Variants in PSD3 observed in about 807,000 individuals in gnomAD.
PSD3 encodes PH and SEC7 domain-containing protein 3.
Under a neutral mutation model 105.5 loss-of-function variants are expected in PSD3, and 49 were observed. The ratio of observed to expected loss-of-function variants is 0.46; its 90% CI spans 0.37 to 0.59. PSD3 has a LOEUF of 0.59. PSD3 is among the 20% of genes least tolerant of loss of function. The pLI, the probability that PSD3 is intolerant of heterozygous loss-of-function variation, is 0.00. For synonymous variants in PSD3, 557 were observed against 457.8 expected, an observed-to-expected ratio of 1.22 and a Z score of -2.77; for missense variants, 1,561 against 1,263.8, an observed-to-expected ratio of 1.24 and a Z score of -3.57.
chr8:18,724,556 G>A (rs1413553052), intron 9 of PSD3, among the ~76,000 whole-genome samples: 1 of 151,996 alleles, frequency 6.6e-6, no homozygotes, highest in African/African-American at 2.4e-5. Flanking sequence ...AGGCTGCAGT[G>A]AGCTATGATC....
intron 2 of PSD3, among the ~76,000 whole-genome samples, chr8:18,889,158 A>G (rs1465508531): frequency 6.6e-6 from 1 of 152,262 alleles, no homozygotes; most frequent in East Asian, 1.9e-4. Context: ...GAAATAAATT[A>G]CTTACATGTT....
At chr8:18,563,307 T>TA (rs2130229147) in intron 14 of PSD3, among the ~76,000 whole-genome samples, 1 of 152,280 alleles carries the variant, frequency 6.6e-6, no homozygotes. Flanking sequence ...GTACCTGCTA[T>TA]ACAGGATCTT....
At chr8:18,945,325 G>T (rs190189266) in intron 1 of PSD3, among the ~76,000 whole-genome samples, 4 of 152,274 alleles carry the variant, frequency 2.6e-5, no homozygotes, top group African/African-American at 9.6e-5. Context: ...TGAGGCAGAA[G>T]AGAAGAAAGT....
At chr8:18,752,038 AT>A (rs1415588450) in intron 9 of PSD3, among the ~76,000 whole-genome samples, 4 of 149,206 alleles carry the variant, frequency 2.7e-5, no homozygotes, top group South Asian at 2.1e-4. Context: ...AAAAAAAAAA[AT>A]TAGCTGGGCG....
intron 8 of PSD3, chr8:18,774,920 GC>G: frequency 2.2e-6 from 1 of 456,116 alleles, no homozygotes; most frequent in Non-Finnish European, 4.4e-6. Context: ...CTTGGCTACG[GC>G]TGCAAAAGCC....
rs551117821 is a variant in PSD3 at position 19,060,824 on chromosome 8, A to G, written c.324+23382T>C. On this transcript the variant is annotated intron_variant, in intron 1 of 1. Coordinates refer to the PSD3 transcript ENST00000521475. ...GAAAGAAGGAACTGAAAGATGAGAC[A>G]TGGAAGCAACCAGTCATGCAAGGGC... Among the ~76,000 whole-genome samples the G allele has an allele frequency of 8.5e-5, 13 of 152,372 alleles. 1 individual carries two copies. The South Asian group carries it at 2.7e-3, about 32-fold the overall frequency.
At chr8:18,558,368 T>A (rs1461822614) in intron 14 of PSD3, among the ~76,000 whole-genome samples, 1 of 152,102 alleles carries the variant, frequency 6.6e-6, no homozygotes, top group Non-Finnish European at 1.5e-5. Flanking sequence ...GTTTTAAATA[T>A]ATAAAAAGTC....
intron 6 of PSD3, among the ~76,000 whole-genome samples, chr8:18,802,047 TG>T (rs1225364264): frequency 1.3e-5 from 2 of 152,342 alleles, no homozygotes; most frequent in South Asian, 4.1e-4. Flanking sequence ...AGGGTGCTTC[TG>T]TCATTTTGTT....
chr8:18,675,515 A>G (rs1344819281), intron 9 of PSD3, among the ~76,000 whole-genome samples: 1 of 152,204 alleles, frequency 6.6e-6, no homozygotes, highest in Non-Finnish European at 1.5e-5. Context: ...ACTGCAGGCT[A>G]CAAACAATGG....
At chr8:18,547,011 G>C (rs1237735724) in intron 15 of PSD3, among the ~76,000 whole-genome samples, 1 of 152,126 alleles carries the variant, frequency 6.6e-6, no homozygotes, top group African/African-American at 2.4e-5. Context: ...TGGGTCATCT[G>C]GGCTGTTTCT....
chr8:19,054,442 G>T (rs1235265891), intron 1 of PSD3, among the ~76,000 whole-genome samples: 1 of 152,106 alleles, frequency 6.6e-6, no homozygotes. Context: ...AATAATGTTT[G>T]TTGAGGGAAA....
chr8:18,688,443 A>C (rs1410629392), intron 9 of PSD3, among the ~76,000 whole-genome samples: 1 of 152,150 alleles, frequency 6.6e-6, no homozygotes, highest in Admixed American at 6.5e-5. Context: ...ATCCTGTTAC[A>C]TTATCACATA....
intron 4 of PSD3, among the ~76,000 whole-genome samples, chr8:18,821,230 G>T (rs1812672983): frequency 1.3e-5 from 2 of 149,902 alleles, no homozygotes; most frequent in Admixed American, 6.7e-5. Context: ...CCTCAAACAA[G>T]ACCATTCAAA....
In PSD3 at chr8:18,607,876, T is replaced by C. The variant is rs569914996; in HGVS notation, c.2411-7442A>G. Among the ~76,000 whole-genome samples the C allele has an allele frequency of 3.3e-5, 5 of 152,196 alleles. No homozygotes were observed. In the East Asian group the frequency reaches 9.7e-4, roughly 30 times the overall value. On this transcript the variant is annotated intron_variant, in intron 11 of 15. Coordinates refer to ENST00000327040, the MANE Select transcript of PSD3 (RefSeq NM_015310.4). ...AGAAGGGGAAATGATTATGTCCTTC[T>C]TCACATAGCAGCAGCAAGGAGAAGT...
chr8:18,773,891 G>A (rs534350307), intron 8 of PSD3, among the ~76,000 whole-genome samples: 1 of 152,246 alleles, frequency 6.6e-6, no homozygotes, highest in East Asian at 1.9e-4. Context: ...GACTATAAAA[G>A]ATCTTTCCAC....
intron 4 of PSD3, among the ~76,000 whole-genome samples, chr8:18,832,491 C>A (rs1353108777): frequency 6.6e-6 from 1 of 152,184 alleles, no homozygotes; most frequent in Non-Finnish European, 1.5e-5. Context: ...TTCTGCCAAC[C>A]AGTACAGCTC....
intron 4 of PSD3, among the ~76,000 whole-genome samples, chr8:18,828,991 G>A (rs986043523): frequency 6.6e-6 from 1 of 152,090 alleles, no homozygotes; most frequent in African/African-American, 2.4e-5. Context: ...CGGACGGCTT[G>A]AGCCTGGGAG....
chr8:18,858,566 T>TC (rs1353163246), intron 4 of PSD3, among the ~76,000 whole-genome samples: 1 of 152,202 alleles, frequency 6.6e-6, no homozygotes, highest in Non-Finnish European at 1.5e-5. Context: ...CTTTTTTTTT[T>TC]CAAAGTTAAA....
chr8:18,763,557 A>C (rs531542322), intron 9 of PSD3, among the ~76,000 whole-genome samples: 2 of 152,172 alleles, frequency 1.3e-5, no homozygotes, highest in East Asian at 1.9e-4. Context: ...AAAGAGAATG[A>C]GAAAAAAAGA....
Sources: allele counts gnomAD v4.1 joint callset (sites outside exome capture counted in the v4.1 genomes callset), GRCh38; gene constraint gnomAD v4.1.1; transcripts MANE v1.5; gene names NCBI Gene and HGNC (gene_info 2026-07-23, HGNC 2026-07-21).